MTARC1: variants seen among roughly 807,000 people sequenced by gnomAD.
MTARC1 encodes the protein mitochondrial amidoxime reducing component 1, also known as mitochondrial amidoxime-reducing component 1.
Under a neutral mutation model 33.6 loss-of-function variants are expected in MTARC1, and 24 were observed. The ratio of observed to expected loss-of-function variants is 0.72; its 90% CI spans 0.52 to 1.01. The LOEUF (loss-of-function observed/expected upper bound fraction) is 1.01. Among genes scored for constraint, MTARC1 ranks in the 50% least tolerant of loss-of-function variants. MTARC1 has a pLI of 0.00. For synonymous variants in MTARC1, 187 were observed against 189.5 expected (o/e 0.99, Z 0.11); for missense variants, 417 against 445.7 (o/e 0.94, Z 0.58).
chr1:220,805,004 G>C, intron 4 of MTARC1, 48 bp from the exon 5 acceptor site: 1 of 1,600,246 alleles, frequency 6.2e-7, no homozygotes. Context: ...ACACGTGTCA[G>C]GGGCAGGGCC....
chr1:220,799,897 G>A (rs1451312930), intron 4 of MTARC1, among the ~76,000 whole-genome samples: 1 of 152,228 alleles, frequency 6.6e-6, no homozygotes, highest in East Asian at 1.9e-4. Flanking sequence ...GATGGGAGCT[G>A]TGAGAATCAA....
chr1:220,812,294 C>A (rs1673159555), intron 6 of MTARC1, among the ~76,000 whole-genome samples: 1 of 152,168 alleles, frequency 6.6e-6, no homozygotes, highest in African/African-American at 2.4e-5. Flanking sequence ...ACATACCAGG[C>A]TGAATAGTTG....
chr1:220,795,074 T>C (rs1023551924), intron 2 of MTARC1, among the ~76,000 whole-genome samples: 1 of 152,180 alleles, frequency 6.6e-6, no homozygotes, highest in Non-Finnish European at 1.5e-5. Context: ...TAAAAATCCA[T>C]TTATACATTA....
In MTARC1 at chr1:220,813,850, G is replaced by A. The variant is rs72472359; in HGVS notation, c.*432G>A. 5.3e-3 allele frequency: 845 copies of A among 159,896 alleles called. 11 individuals carry two copies. Among genetic ancestry groups the A allele is most frequent in the East Asian group, 0.049 (281 of 5,690 alleles). The allele number at this position is 159,896 out of a possible 1,614,324, so 9.9% of individuals were successfully genotyped here. ...GTTATTGCCCCTGTTCATGAGGTAC[G>A]CAATGAAAATTAAATTGCACCCCAA... On this transcript the variant is annotated 3_prime_UTR_variant, in exon 7 of 7. Coordinates refer to ENST00000366910, the MANE Select transcript of MTARC1 (RefSeq NM_022746.4).
At chr1:220,798,865 C>CT (rs2102596486) in intron 4 of MTARC1, 1 of 985,402 alleles carries the variant, frequency 1.0e-6, no homozygotes, top group East Asian at 1.1e-4. Context: ...GAGTTTTAAC[C>CT]TTTTATCCTC....
At chr1:220,791,796 A>T in intron 2 of MTARC1, 132 bp downstream of exon 2, 1 of 943,306 alleles carries the variant, frequency 1.1e-6, no homozygotes, top group East Asian at 2.7e-5. Context: ...CCATATACAG[A>T]ATGAAGTCCT....
intron 4 of MTARC1, among the ~76,000 whole-genome samples, chr1:220,802,386 C>A (rs896042930): frequency 5.9e-5 from 9 of 152,204 alleles, no homozygotes; most frequent in Non-Finnish European, 8.8e-5. Flanking sequence ...GGCCAGAGTG[C>A]GCTGGCATGA....
At chr1:220,789,895 T>C (rs1672370307) in intron 1 of MTARC1, among the ~76,000 whole-genome samples, 1 of 152,168 alleles carries the variant, frequency 6.6e-6, no homozygotes, top group Non-Finnish European at 1.5e-5. Flanking sequence ...TAGATGTTAC[T>C]GGGGGCTGGG....
At chr1:220,808,911 C>T (rs1370621365) in intron 6 of MTARC1, 1 of 470,956 alleles carries the variant, frequency 2.1e-6, no homozygotes, top group Non-Finnish European at 4.4e-6. Flanking sequence ...CTGGAGTCTG[C>T]CGTTGTTGCT....
chr1:220,787,390 C>G (rs970417820), intron 1 of MTARC1, among the ~76,000 whole-genome samples, 171 bp downstream of exon 1: 6 of 152,140 alleles, frequency 3.9e-5, no homozygotes, highest in Non-Finnish European at 5.9e-5. Context: ...ACCCTCACCC[C>G]CCAGCATCAG....
intron 4 of MTARC1, 79 bp downstream of exon 4, chr1:220,798,093 A>T (rs1478663385): frequency 6.2e-7 from 1 of 1,612,722 alleles, no homozygotes; most frequent in Non-Finnish European, 8.5e-7. Context: ...ATTGGATTAG[A>T]TTATTCTGAA....
intron 6 of MTARC1, among the ~76,000 whole-genome samples, chr1:220,811,541 T>G (rs998500879): frequency 5.3e-5 from 8 of 152,240 alleles, no homozygotes; most frequent in African/African-American, 1.9e-4. Flanking sequence ...ATTTCTGATT[T>G]GAAGAACAAC....
At chr1:220,796,026 C>T (rs1672605214) in intron 2 of MTARC1, among the ~76,000 whole-genome samples, 1 of 152,102 alleles carries the variant, frequency 6.6e-6, no homozygotes, top group Non-Finnish European at 1.5e-5. Context: ...CCAAACAGCC[C>T]TGCACAGGAC....
At position 220,813,359 on chromosome 1, in the gene MTARC1, G is replaced by T. The variant is rs758822046; in HGVS notation, c.955G>T (p.Val319Leu). The change falls in exon 7 of 7, where the codon GTG becomes TTG. Residue 319 changes from valine (V) to leucine (L), a missense_variant. Transcript: ENST00000366910. Reference protein sequence around the residue: ...GKSPLFGQYFVLENPGTIKVG... With the variant: ...GKSPLFGQYFLLENPGTIKVG... ...ATCACCACTCTTTGGGCAGTATTTT[G>T]TGCTGGAAAACCCAGGGACCATCAA... 6.2e-7 allele frequency: 1 copy of T among 1,614,120 alleles called. No individual in the cohort carries two copies. Among genetic ancestry groups the T allele is most frequent in the Admixed American group, 1.7e-5 (1 of 60,024 alleles).
chr1:220,814,266 T>G lies in MTARC1; in HGVS notation c.*848T>G, dbSNP rs567737302. On this transcript the variant is annotated 3_prime_UTR_variant, in exon 7 of 7. Coordinates refer to ENST00000366910, the MANE Select transcript of MTARC1 (RefSeq NM_022746.4). ...ACCCAATATCTATTTTTTAACTGAT[T>G]GTATAACTCTAAGATCTGATGAAGT... 6.6e-6 allele frequency: 1 copy of G among 152,388 alleles called. No individual in the cohort carries two copies. The highest frequency in any genetic ancestry group is 2.4e-5 in the African/African-American group (1 of 41,592). The allele number at this position is 152,388 out of a possible 1,614,324, so 9.4% of individuals were successfully genotyped here. A position where few individuals can be genotyped will look rare whatever the true frequency, so the allele number is the denominator to read the frequency against.
intron 6 of MTARC1, among the ~76,000 whole-genome samples, chr1:220,808,288 G>A (rs1157932174): frequency 6.6e-6 from 1 of 152,230 alleles, no homozygotes; most frequent in Non-Finnish European, 1.5e-5. Context: ...AGGGTGGGAA[G>A]GCGGGGGGCG....
chr1:220,819,530 T>C lies in MTARC1; in HGVS notation c.*6112T>C, dbSNP rs1673344654. 1 of 152,224 alleles carries C rather than the reference T, an allele frequency of 6.6e-6. No homozygotes were observed. The highest frequency in any genetic ancestry group is 2.4e-5 in the African/African-American group (1 of 41,456). 9.4% of individuals were successfully genotyped at this position (152,224 alleles called of 1,614,324 possible). A position where few individuals can be genotyped will look rare whatever the true frequency, so the allele number is the denominator to read the frequency against. On this transcript the variant is annotated 3_prime_UTR_variant, in exon 7 of 7. Coordinates refer to ENST00000366910, the MANE Select transcript of MTARC1 (RefSeq NM_022746.4). ...AATGTCTTGGGGATGTCAAGTAAGA[T>C]TGTTCACATAGTTTCTGGACACCAT...
At position 220,805,234 on chromosome 1, in the gene MTARC1, G is replaced by A. The variant is rs766619677; in HGVS notation, c.847G>A (p.Gly283Ser). The A allele has an allele frequency of 1.4e-5, 23 of 1,613,582 alleles. No individual in the cohort carries two copies. Among genetic ancestry groups the A allele is most frequent in the East Asian group, 2.2e-5 (1 of 44,890 alleles). ...TTTAACCACAGTGGACCCAGACACC[G>A]GTGTCATGAGCAGGAAGGAACCGCT... ...CILTTVDPDT[G>S]VMSRKEPLET... Residue 283 changes from glycine (G) to serine (S), a missense_variant, in exon 6 of 7, where the codon GGT becomes AGT. Gly to Ser is a moderately conservative substitution (Grantham distance 56). Coordinates refer to ENST00000366910, the MANE Select transcript of MTARC1 (RefSeq NM_022746.4).
At chr1:220,810,729 G>A (rs1673106493) in intron 6 of MTARC1, among the ~76,000 whole-genome samples, 1 of 152,174 alleles carries the variant, frequency 6.6e-6, no homozygotes, top group Non-Finnish European at 1.5e-5. Context: ...ATTGGTGTAG[G>A]TGACTAAATT....
Sources: allele counts gnomAD v4.1 joint callset (sites outside exome capture counted in the v4.1 genomes callset), GRCh38; gene constraint gnomAD v4.1.1; transcripts MANE v1.5; gene names NCBI Gene and HGNC (gene_info 2026-07-23, HGNC 2026-07-21).